The following KIF17 variants were observed in gnomAD, a reference collection of about 807,000 sequenced individuals.
KIF17 encodes the protein kinesin-like protein KIF17.
Under a neutral mutation model 96.8 loss-of-function variants are expected in KIF17, and 80 were observed. The observed-to-expected ratio is 0.83, with a 90% CI of 0.69 to 1.00. The LOEUF (loss-of-function observed/expected upper bound fraction) is 1.00. Among genes scored for constraint, KIF17 ranks in the 50% least tolerant of loss-of-function variants. The pLI is 0.00. For synonymous variants in KIF17, 567 were observed against 587.5 expected (o/e 0.97, Z 0.51); for missense variants, 1,280 against 1,372.9 (o/e 0.93, Z 1.07).
Position 20,715,499 on chromosome 1 carries a change from G to A in KIF17, c.372C>T (p.Ser124=), listed in dbSNP as rs558662591. 13 of 1,612,488 alleles carry A rather than the reference G, an allele frequency of 8.1e-6. No individual in the cohort carries two copies. The East Asian group carries it at 1.3e-4, about 17-fold the overall frequency. The stretch of plus-strand genomic sequence containing the variant: ...CCCTCTGCGAGGCCCGTACCTGGAC[G>A]CTCTCGAACACGTGCTCGAAGGCCC... The part of the protein sequence containing the change: ...IPRAFEHVFE[S]VQCAENTKFL... The change falls in exon 2 of 15, where the codon AGC becomes AGT. Residue 124 remains serine, a synonymous_variant. Transcript: ENST00000400463.
Position 20,685,394 on chromosome 1 carries a change from C to T in KIF17, c.2020-374G>A, listed in dbSNP as rs937584125. On this transcript the variant is annotated intron_variant, in intron 9 of 14. Transcript: ENST00000400463. The surrounding 1 kb of genome is among the most constrained non-coding windows in gnomAD (Gnocchi z 4.1). ...CCTCCCTGCCGGCTCCCTGCCTCCA[C>T]GGCCTCCCCCGCCACCGTGGCCTCC... is the stretch of plus-strand genomic sequence containing the variant. 21 of 409,626 alleles carry T rather than the reference C, an allele frequency of 5.1e-5. No homozygotes were observed. Among genetic ancestry groups the T allele is most frequent in the African/African-American group, 2.2e-4 (11 of 48,936 alleles). The allele number at this position is 409,626 out of a possible 1,614,324, so 25.4% of individuals were successfully genotyped here.
chr1:20,714,298 G>A (rs1414232639), intron 2 of KIF17, among the ~76,000 whole-genome samples: 2 of 151,940 alleles, frequency 1.3e-5, no homozygotes, highest in African/African-American at 4.8e-5. Context: ...CTGCACTCCA[G>A]CCTGGACAAC....
At chr1:20,683,008 A>G in intron 10 of KIF17, 124 bp from the exon 11 acceptor site, 1 of 766,462 alleles carries the variant, frequency 1.3e-6, no homozygotes, top group Non-Finnish European at 2.1e-6. Context: ...CTTCACAGGG[A>G]GGGAAACCGA....
chr1:20,702,470 A>G (rs2054254598), intron 5 of KIF17, among the ~76,000 whole-genome samples: 3 of 152,030 alleles, frequency 2.0e-5, no homozygotes, highest in African/African-American at 4.8e-5. Flanking sequence ...CCCCTTACCA[A>G]TCTTGGGGGT....
chr1:20,707,781 A>ATGTGTGTGTGTGTGTGTGTGTGTGTGTG (rs1436276510), intron 4 of KIF17, among the ~76,000 whole-genome samples: 1 of 90,902 alleles, frequency 1.1e-5, no homozygotes, highest in African/African-American at 5.0e-5. Context: ...AAACAAACCA[A>ATGTGTGTGTGTGTGTGTGTGTGTGTGTG]TGTGTATGTG....
chr1:20,685,941 A>T lies in KIF17; in HGVS notation c.2019+105T>A. 2 of 979,298 alleles carry T rather than the reference A, an allele frequency of 2.0e-6. No individual in the cohort carries two copies. The highest frequency in any genetic ancestry group is 3.2e-6 in the Non-Finnish European group (2 of 626,816). The allele number at this position is 979,298 out of a possible 1,614,324, so 60.7% of individuals were successfully genotyped here. A position where few individuals can be genotyped will look rare whatever the true frequency, so the allele number is the denominator to read the frequency against. Reference sequence around the variant, plus strand: ...AGGCTGGAGTTGTTGTTCTCAGCTCATGGATGAGGAAACTGAAGCTCAGGG... The same window carrying T: ...AGGCTGGAGTTGTTGTTCTCAGCTCTTGGATGAGGAAACTGAAGCTCAGGG... On this transcript the variant is annotated intron_variant, in intron 9 of 14. Coordinates refer to ENST00000400463, the MANE Select transcript of KIF17 (RefSeq NM_001122819.3). The surrounding 1 kb of genome is among the most constrained non-coding windows in gnomAD (Gnocchi z 4.1).
chr1:20,690,313 C>T lies in KIF17; in HGVS notation c.1256G>A (p.Arg419Gln), dbSNP rs527764404. ...CTCGGCCTTATAGTCGGCTTTCAGCCGGGCCAGGCGCTCTTCATACTCCTG... is the reference window on the plus strand; with the variant it reads ...CTCGGCCTTATAGTCGGCTTTCAGCTGGGCCAGGCGCTCTTCATACTCCTG... ...IREEYEERLA[R>Q]LKADYKAEQE... Residue 419 changes from arginine to glutamine, a missense_variant, in exon 7 of 15, where the codon CGG becomes CAG. Physicochemically the swap from Arg to Gln is conservative, Grantham distance 43 (BLOSUM62 1). Coordinates refer to ENST00000400463, the MANE Select transcript of KIF17 (RefSeq NM_001122819.3). 57 of 835,384 alleles carry T rather than the reference C, an allele frequency of 6.8e-5. No homozygotes were observed. The highest frequency in any genetic ancestry group is 3.5e-4 in the South Asian group (27 of 76,708). The allele number at this position is 835,384 out of a possible 1,614,324, so 51.7% of individuals were successfully genotyped here.
At chr1:20,713,596 G>T (rs763227674) in intron 2 of KIF17, 41 bp from the exon 3 acceptor site, 26 of 1,456,180 alleles carry the variant, frequency 1.8e-5, no homozygotes, top group East Asian at 4.7e-5. Flanking sequence ...CTCAGAGCTC[G>T]AAGTCCACCT....
rs1346325838 is a variant in KIF17, at chr1:20,698,461, T to C, written c.1151A>G (p.Asp384Gly). 1 of 1,613,416 alleles carries C rather than the reference T, an allele frequency of 6.2e-7. No individual in the cohort carries two copies. The highest frequency in any genetic ancestry group is 8.5e-7 in the Non-Finnish European group (1 of 1,179,958). The change falls in exon 6 of 15, where the codon GAC becomes GGC. Residue 384 changes from aspartate (D) to glycine (G), a missense_variant. Physicochemically the swap from Asp to Gly is moderately conservative, Grantham distance 94 (BLOSUM62 -1). Coordinates refer to ENST00000400463, the MANE Select transcript of KIF17 (RefSeq NM_001122819.3). ...CAGCTTCTCCTCCACCTGCACAGGG[T>C]CTGGGGGCACCTGCCTGGACAGCAG... ...SALLSRQVPPDPVQVEEKLLP... is the reference protein window; with the variant it reads ...SALLSRQVPPGPVQVEEKLLP...
At chr1:20,707,021 AG>A (rs1330554977) in intron 4 of KIF17, among the ~76,000 whole-genome samples, 4 of 151,990 alleles carry the variant, frequency 2.6e-5, no homozygotes, top group African/African-American at 9.7e-5. Flanking sequence ...GCTTGAGCCC[AG>A]AAGTTCAAGG....
rs116741891 is a variant in KIF17, at chr1:20,664,509, C to T, written c.*75G>A. 2,345 of 1,611,696 alleles carry T rather than the reference C, an allele frequency of 1.5e-3. 24 individuals carry two copies. The African/African-American group carries it at 0.022, about 15-fold the overall frequency. ...GCGCTGTGTGGCAGGTGGGAGGAGA[C>T]CTGGTTGGGGCTGCCCTGGGAGGGC... is the stretch of plus-strand genomic sequence containing the variant. On this transcript the variant is annotated 3_prime_UTR_variant, in exon 15 of 15. Transcript: ENST00000400463.
chr1:20,707,787 A>ATGTG (rs3077930), intron 4 of KIF17, among the ~76,000 whole-genome samples: 3,192 of 124,500 alleles, frequency 0.026, 86 homozygotes, highest in East Asian at 0.083. Flanking sequence ...ACCAATGTGT[A>ATGTG]TGTGTGTGTG....
In KIF17 at chr1:20,685,022, T is replaced by C. The variant is rs1296446057; in HGVS notation, c.2020-2A>G. 4.4e-6 allele frequency: 7 copies of C among 1,585,218 alleles called. No homozygotes were observed. The highest frequency in any genetic ancestry group is 6.0e-6 in the Non-Finnish European group (7 of 1,165,574). ...CACTTCCGAGGCCAGATCTACCTCC[T>C]GAGTGTGAAGAGAAACCCAGGTGGA... On this transcript the variant is annotated splice_acceptor_variant, in intron 9 of 14. Coordinates refer to ENST00000400463, the MANE Select transcript of KIF17 (RefSeq NM_001122819.3). LOFTEE classifies it high-confidence loss of function. The surrounding 1 kb of genome is among the most constrained non-coding windows in gnomAD (Gnocchi z 4.1).
intron 11 of KIF17, among the ~76,000 whole-genome samples, chr1:20,673,413 T>C (rs962849444): frequency 4.6e-5 from 7 of 151,978 alleles, no homozygotes; most frequent in African/African-American, 1.7e-4. Context: ...TTTAAATAGA[T>C]ACGAGGCTCA....
chr1:20,702,014 G>A (rs1329765356), intron 5 of KIF17, among the ~76,000 whole-genome samples: 1 of 152,192 alleles, frequency 6.6e-6, no homozygotes, highest in African/African-American at 2.4e-5. Flanking sequence ...GGTCAGGCAC[G>A]CCTGGTCTGA....
chr1:20,665,253 A>T (rs1239592221), intron 14 of KIF17, among the ~76,000 whole-genome samples: 2 of 128,816 alleles, frequency 1.6e-5, no homozygotes, highest in Non-Finnish European at 3.2e-5. Flanking sequence ...TTTTAGAAAA[A>T]GTCTTACTCT....
At position 20,688,191 on chromosome 1, in the gene KIF17, C is replaced by A. The variant is rs533022788; in HGVS notation, c.1382-247G>T. Among the ~76,000 whole-genome samples, 87 of 152,162 alleles carry A rather than the reference C, an allele frequency of 5.7e-4. 3 individuals carry two copies. The highest frequency in any genetic ancestry group is 4.5e-3 in the Admixed American group (68 of 15,272). On this transcript the variant is annotated intron_variant, in intron 7 of 14. Coordinates refer to ENST00000400463, the MANE Select transcript of KIF17 (RefSeq NM_001122819.3). ...CCTCCCGAGTAGCTGGGAGTACAGG[C>A]ACCCGCCACCATGCCTGGCTAATTT...
chr1:20,670,659 C>A (rs953381645), intron 12 of KIF17, among the ~76,000 whole-genome samples, 171 bp from the exon 13 acceptor site: 5 of 152,120 alleles, frequency 3.3e-5, no homozygotes, highest in Non-Finnish European at 7.3e-5. Flanking sequence ...GGCTCAGGCA[C>A]CAGAGAAGAC....
At chr1:20,674,076 G>C (rs187763877) in intron 11 of KIF17, among the ~76,000 whole-genome samples, 30 of 151,920 alleles carry the variant, frequency 2.0e-4, no homozygotes, top group Admixed American at 5.9e-4. Flanking sequence ...CTACAGGTGT[G>C]AGCCACCACG....
Sources: allele counts gnomAD v4.1 joint callset (sites outside exome capture counted in the v4.1 genomes callset), GRCh38; gene constraint gnomAD v4.1.1; non-coding constraint Gnocchi (gnomAD v3.1); transcripts MANE v1.5; gene names NCBI Gene and HGNC (gene_info 2026-07-23, HGNC 2026-07-21).